Variants in SI observed in about 807,000 individuals in gnomAD.
SI encodes the protein sucrase-isomaltase.
A neutral mutation model predicts 253.3 loss-of-function variants in SI; 235 were observed. The observed-to-expected ratio is 0.93, with a 90% confidence interval of 0.83 to 1.03. The LOEUF is 1.03. Ranked by LOEUF, SI falls within the 50% of genes least tolerant of loss-of-function variation. The probability of loss-of-function intolerance (pLI) is 0.00; values close to 1 mark genes in which losing one functional copy is unlikely to be tolerated. For missense variants in SI, 2,442 were observed against 2,211.1 expected, an observed-to-expected ratio of 1.10 and a Z score of -2.09; for synonymous variants, 819 against 712.0, an observed-to-expected ratio of 1.15 and a Z score of -2.39.
intron 37 of SI, among the ~76,000 whole-genome samples, chr3:165,006,436 C>T (rs965418556): frequency 3.3e-5 from 5 of 152,080 alleles, no homozygotes; most frequent in South Asian, 2.1e-4. Flanking sequence ...TAACAGATTT[C>T]GCCAAATGTT....
At position 165,069,177 on chromosome 3, in the gene SI, C is replaced by T; in HGVS notation, c.274G>A (p.Gly92Ser). 1 of 1,611,594 alleles carries T rather than the reference C, an allele frequency of 6.2e-7. No individual in the cohort carries two copies. Among genetic ancestry groups the T allele is most frequent in the Non-Finnish European group, 8.5e-7 (1 of 1,177,948 alleles). The change falls in exon 4 of 48, where the codon GGC (glycine) becomes AGC (serine). Residue 92 changes from glycine to serine, a missense_variant. By Grantham distance (56) the Gly-to-Ser change is moderately conservative. Transcript: ENST00000264382. ...FPTEGICAQRGCCWRPWNDSL... is the reference protein window; with the variant it reads ...FPTEGICAQRSCCWRPWNDSL... ...TCATTCCACGGCCTCCAGCAGCAGC[C>T]TCTCTGTGCACAAATTCCCTGATAA...
intron 15 of SI, among the ~76,000 whole-genome samples, chr3:165,048,093 A>G (rs755935742): frequency 7.9e-5 from 12 of 152,112 alleles, no homozygotes; most frequent in Non-Finnish European, 1.3e-4. Flanking sequence ...AAATTGAAGT[A>G]ACACCATGAA....
chr3:165,023,477 C>A, intron 26 of SI, 93 bp downstream of exon 26: 3 of 913,720 alleles, frequency 3.3e-6, no homozygotes, highest in Non-Finnish European at 5.3e-6. Flanking sequence ...TGTTAATAAC[C>A]TTTAATATTA....
In SI at chr3:165,025,598, G is replaced by T. The variant is rs116466372; in HGVS notation, c.2893-1822C>A. Among the ~76,000 whole-genome samples, 359 of 151,142 alleles carry T rather than the reference G, an allele frequency of 2.4e-3. 2 individuals carry two copies. The highest frequency in any genetic ancestry group is 3.9e-3 in the Non-Finnish European group (264 of 67,408). The stretch of plus-strand genomic sequence containing the variant: ...AGGAAAAAATCTTAAGAGCTGTGAG[G>T]CAAAAGCACTAGCTAACCTATAAAA... On this transcript the variant is annotated intron_variant, in intron 25 of 47. Coordinates refer to ENST00000264382, the MANE Select transcript of SI (RefSeq NM_001041.4).
chr3:165,086,119 T>G, the SI span, among the ~76,000 whole-genome samples: 1 of 152,128 alleles, frequency 6.6e-6, no homozygotes, highest in Admixed American at 6.6e-5. Flanking sequence ...CAGGGCATGG[T>G]GGTGCACACC....
intron 16 of SI, among the ~76,000 whole-genome samples, chr3:165,044,764 TTATG>T (rs535636448): frequency 1.2e-4 from 18 of 152,012 alleles, no homozygotes; most frequent in Non-Finnish European, 2.2e-4. Context: ...GTAGTCAAAT[TTATG>T]TATGTTTCTC....
Position 164,996,556 on chromosome 3 carries a change from A to C in SI, c.4671T>G (p.Asn1557Lys). The change falls in exon 40 of 48, where the codon AAT becomes AAG. Residue 1557 changes from asparagine to lysine, a missense_variant. Transcript: ENST00000264382. Reference sequence around the variant, plus strand: ...ATACTCTAGTATTTGCAATGTTGTGATTCCTTGAGTATGGATAAAATGCTC... The same window carrying C: ...ATACTCTAGTATTTGCAATGTTGTGCTTCCTTGAGTATGGATAAAATGCTC... Reference protein sequence around the residue: ...QLGAFYPYSRNHNIANTRRQD... With the variant: ...QLGAFYPYSRKHNIANTRRQD... The C allele has an allele frequency of 6.3e-7, 1 of 1,580,314 alleles. No homozygotes were observed. The highest frequency in any genetic ancestry group is 1.1e-5 in the South Asian group (1 of 90,442).
chr3:165,002,759 TG>T (rs1246444934), intron 37 of SI, among the ~76,000 whole-genome samples: 1 of 151,744 alleles, frequency 6.6e-6, no homozygotes, highest in Non-Finnish European at 1.5e-5. Flanking sequence ...AGCAGTTTTT[TG>T]TAACTGAAAA....
At chr3:165,088,781 A>T in the SI span, among the ~76,000 whole-genome samples, 1 of 152,072 alleles carries the variant, frequency 6.6e-6, no homozygotes, top group Non-Finnish European at 1.5e-5. Flanking sequence ...ACCTTTTAAC[A>T]TGGTCTACCA....
chr3:165,014,644 C>T (rs2108170023), intron 33 of SI, among the ~76,000 whole-genome samples: 1 of 152,056 alleles, frequency 6.6e-6, no homozygotes, highest in East Asian at 1.9e-4. Context: ...AAAGCCAAAT[C>T]AAAATATTTT....
At chr3:165,045,025 A>G (rs1040718880) in intron 16 of SI, among the ~76,000 whole-genome samples, 6 of 152,094 alleles carry the variant, frequency 3.9e-5, no homozygotes, top group African/African-American at 1.4e-4. Flanking sequence ...GTCATTTAAC[A>G]AATTATACAT....
Position 165,023,763 on chromosome 3 carries a change from G to A in SI, c.2906C>T (p.Ser969Phe). ...GGGAAAGTAACACTCAGGTGCTTTG[G>A]ATAGAGAAGAACCCTAAAAACACAA... ...GCVWRTGSSL[S>F]KAPECYFPRQ... The change falls in exon 26 of 48, where the codon TCC becomes TTC. Residue 969 changes from serine to phenylalanine, a missense_variant. By Grantham distance (155) the Ser-to-Phe change is radical. Coordinates refer to ENST00000264382, the MANE Select transcript of SI (RefSeq NM_001041.4). 1 of 1,609,368 alleles carries A rather than the reference G, an allele frequency of 6.2e-7. No homozygotes were observed. The highest frequency in any genetic ancestry group is 8.5e-7 in the Non-Finnish European group (1 of 1,176,804).
chr3:165,028,234 A>G (rs1437080192), intron 25 of SI, among the ~76,000 whole-genome samples: 2 of 151,388 alleles, frequency 1.3e-5, no homozygotes, highest in African/African-American at 4.8e-5. Context: ...TGTATACCTA[A>G]CCAAGGAGGT....
intron 37 of SI, 140 bp downstream of exon 37, chr3:165,006,676 T>C: frequency 1.5e-6 from 1 of 674,204 alleles, no homozygotes; most frequent in South Asian, 1.9e-5. Context: ...TTCTAAATGC[T>C]ATGAAGGAAG....
intron 33 of SI, among the ~76,000 whole-genome samples, chr3:165,014,539 A>G (rs6781045): frequency 0.72 from 110,106 of 152,060 alleles, 40,887 homozygotes; most frequent in East Asian, 0.85. Flanking sequence ...GTGAGCCACC[A>G]CGCCTGGCCC....
In SI at chr3:165,038,238, C is replaced by T. The variant is rs370970767; in HGVS notation, c.2302-214G>A. 3.4e-3 allele frequency among the ~76,000 whole-genome samples: 516 copies of T among 150,038 alleles called. 2 individuals are homozygous for T. The highest frequency in any genetic ancestry group is 0.012 in the African/African-American group (491 of 40,096). On this transcript the variant is annotated intron_variant, in intron 20 of 47. Coordinates refer to ENST00000264382, the MANE Select transcript of SI (RefSeq NM_001041.4). ...ACTTTCTCAAAAATAAAAAAATCAA[C>T]AAAAAGAGACTCATTTTCTTTCTAC...
intron 44 of SI, among the ~76,000 whole-genome samples, chr3:164,989,893 A>T (rs755597792): frequency 2.6e-5 from 4 of 152,210 alleles, no homozygotes; most frequent in Non-Finnish European, 2.9e-5. Flanking sequence ...TTACAGAGAT[A>T]GTAAAATATC....
the SI span, among the ~76,000 whole-genome samples, chr3:165,088,403 G>C: frequency 7.3e-5 from 11 of 151,704 alleles, no homozygotes; most frequent in African/African-American, 2.7e-4. Context: ...CCAGCACTTT[G>C]GGAGGCCGAG....
chr3:165,014,105 T>C (rs547497167), intron 33 of SI, among the ~76,000 whole-genome samples: 140 of 152,328 alleles, frequency 9.2e-4, no homozygotes, highest in African/African-American at 3.3e-3. Context: ...ACCAGGAAAT[T>C]AATGTTGATA....
Sources: gnomAD v4.1 joint callset for allele counts (sites outside exome capture counted in the v4.1 genomes callset) on GRCh38, gnomAD v4.1.1 for gene constraint, MANE v1.5 for transcripts, NCBI Gene and HGNC (gene_info 2026-07-23, HGNC 2026-07-21) for gene names.